The following NYAP2 variants were observed in gnomAD, a reference collection of about 807,000 sequenced individuals.
The protein encoded by NYAP2 is neuronal tyrosine-phosphorylated phosphoinositide-3-kinase adapter 2.
A neutral mutation model predicts 50.4 loss-of-function variants in NYAP2; 23 were observed. The ratio of observed to expected loss-of-function variants is 0.46; its 90% confidence interval spans 0.33 to 0.65. NYAP2 has a LOEUF of 0.65. Among genes scored for constraint, NYAP2 ranks in the 30% least tolerant of loss-of-function variants. The pLI is 0.02. For synonymous variants in NYAP2, 394 were observed against 365.2 expected (o/e 1.08, Z -0.90); for missense variants, 885 against 861.0 (o/e 1.03, Z -0.35).
At chr2:225,694,566 T>C in the NYAP2 span, among the ~76,000 whole-genome samples, 1 of 151,876 alleles carries the variant, frequency 6.6e-6, no homozygotes, top group African/African-American at 2.4e-5. Flanking sequence ...AAAATGACTA[T>C]GCACCCAAAC....
intron 4 of NYAP2, among the ~76,000 whole-genome samples, chr2:225,544,044 G>GTTTTGTCTTATATCAGA (rs1691523379): frequency 6.6e-6 from 1 of 151,856 alleles, no homozygotes; most frequent in African/African-American, 2.4e-5. Flanking sequence ...TTTTTGTCTT[G>GTTTTGTCTTATATCAGA]AAATCTATAT....
intron 3 of NYAP2, among the ~76,000 whole-genome samples, chr2:225,491,347 T>C (rs1473938440): frequency 6.6e-6 from 1 of 152,202 alleles, no homozygotes; most frequent in Non-Finnish European, 1.5e-5. Context: ...GTCAAACCTA[T>C]ATCTCCATCA....
chr2:225,502,170 TG>T (rs1332922192), intron 3 of NYAP2, among the ~76,000 whole-genome samples: 2 of 152,174 alleles, frequency 1.3e-5, no homozygotes, highest in African/African-American at 4.8e-5. Flanking sequence ...CTGGCAGCAC[TG>T]TAGAGAAAGA....
chr2:225,679,651 T>A, the NYAP2 span, among the ~76,000 whole-genome samples: 1 of 151,776 alleles, frequency 6.6e-6, no homozygotes, highest in Admixed American at 6.6e-5. Flanking sequence ...TGCACCACCA[T>A]GCCCAGCTAA....
chr2:225,670,737 A>C, the NYAP2 span, among the ~76,000 whole-genome samples: 3 of 152,162 alleles, frequency 2.0e-5, no homozygotes, highest in Non-Finnish European at 4.4e-5. Flanking sequence ...CAATATTGCT[A>C]AGATTTCTTT....
chr2:225,420,899 A>G (rs566707390), intron 3 of NYAP2, among the ~76,000 whole-genome samples: 2 of 152,152 alleles, frequency 1.3e-5, no homozygotes, highest in East Asian at 3.9e-4. Flanking sequence ...ATTTCTTTCT[A>G]CAGGGATTCT....
At chr2:225,625,223 G>A (rs1444574566) in intron 5 of NYAP2, among the ~76,000 whole-genome samples, 3 of 151,894 alleles carry the variant, frequency 2.0e-5, no homozygotes, top group Non-Finnish European at 4.4e-5. Flanking sequence ...GCTATCACTT[G>A]ATTTTCCAGT....
chr2:225,502,624 C>G (rs1308357153), intron 3 of NYAP2, among the ~76,000 whole-genome samples: 2 of 152,098 alleles, frequency 1.3e-5, no homozygotes, highest in East Asian at 3.9e-4. Context: ...TCTATAGATC[C>G]CCACTGCCAG....
At chr2:225,606,848 T>C (rs1293863660) in intron 5 of NYAP2, among the ~76,000 whole-genome samples, 1 of 152,132 alleles carries the variant, frequency 6.6e-6, no homozygotes, top group Non-Finnish European at 1.5e-5. Context: ...GTATATAACA[T>C]TGTTGCTTCT....
chr2:225,432,257 A>T (rs1466478624), intron 3 of NYAP2, among the ~76,000 whole-genome samples: 1 of 150,514 alleles, frequency 6.6e-6, no homozygotes, highest in Non-Finnish European at 1.5e-5. Context: ...TAGCCTCCCA[A>T]AGTGCTGGGA....
intron 4 of NYAP2, among the ~76,000 whole-genome samples, chr2:225,569,136 G>A (rs746532982): frequency 7.2e-5 from 11 of 152,226 alleles, no homozygotes; most frequent in Admixed American, 2.0e-4. Context: ...ACATAAAGTG[G>A]CCTGGGATGA....
chr2:225,513,810 T>C (rs941453351), intron 4 of NYAP2, 138 bp downstream of exon 4: 6 of 565,442 alleles, frequency 1.1e-5, no homozygotes, highest in Non-Finnish European at 1.7e-5. Flanking sequence ...AAAGAAGAAT[T>C]GAGGGGAAGG....
intron 3 of NYAP2, among the ~76,000 whole-genome samples, chr2:225,490,147 T>C (rs1387000270): frequency 6.6e-6 from 1 of 152,178 alleles, no homozygotes; most frequent in Non-Finnish European, 1.5e-5. Flanking sequence ...TTCATATCTA[T>C]CCAGTTAGAG....
chr2:225,452,654 G>A (rs1362734832), intron 3 of NYAP2, among the ~76,000 whole-genome samples: 1 of 152,060 alleles, frequency 6.6e-6, no homozygotes, highest in Non-Finnish European at 1.5e-5. Context: ...TCTAAACTAA[G>A]CAACCCAAGA....
intron 4 of NYAP2, among the ~76,000 whole-genome samples, chr2:225,541,682 G>T (rs1347309444): frequency 6.6e-6 from 1 of 151,928 alleles, no homozygotes. Flanking sequence ...TATGCTGTTT[G>T]TGTTACTATA....
the NYAP2 span, among the ~76,000 whole-genome samples, chr2:225,660,852 T>C: frequency 1.3e-5 from 2 of 152,342 alleles, no homozygotes; most frequent in African/African-American, 4.8e-5. Flanking sequence ...TCTCTAACTT[T>C]TAAATAGTAT....
chr2:225,507,640 G>C (rs978453148), intron 3 of NYAP2, among the ~76,000 whole-genome samples: 1 of 152,120 alleles, frequency 6.6e-6, no homozygotes, highest in African/African-American at 2.4e-5. Flanking sequence ...AGTTTTTTGA[G>C]GTTACATGGT....
intron 3 of NYAP2, among the ~76,000 whole-genome samples, chr2:225,495,575 A>G (rs1386195607): frequency 6.6e-6 from 1 of 152,054 alleles, no homozygotes; most frequent in Non-Finnish European, 1.5e-5. Context: ...TTTTTTGTTG[A>G]ATGACTAGGG....
At chr2:225,470,862 G>C (rs1690002788) in intron 3 of NYAP2, among the ~76,000 whole-genome samples, 1 of 151,866 alleles carries the variant, frequency 6.6e-6, no homozygotes, top group Non-Finnish European at 1.5e-5. Context: ...ATGTTGCCTA[G>C]CTGGTCTCAA....
Sources: allele counts gnomAD v4.1 joint callset (sites outside exome capture counted in the v4.1 genomes callset), GRCh38; gene constraint gnomAD v4.1.1; transcripts MANE v1.5; gene names NCBI Gene and HGNC (gene_info 2026-07-23, HGNC 2026-07-21).